Variants in NSD2 observed in about 807,000 individuals in gnomAD.
NSD2 encodes histone-lysine N-methyltransferase NSD2.
Under a neutral mutation model 139.0 loss-of-function variants are expected in NSD2, and 12 were observed. The ratio of observed to expected loss-of-function variants is 0.09; its 90% CI spans 0.06 to 0.14. NSD2 has a LOEUF of 0.14. Ranked by LOEUF, NSD2 falls within the 10% of genes least tolerant of loss-of-function variation. The pLI is 1.00. For missense variants in NSD2, 1,155 were observed against 1,745.0 expected (o/e 0.66, Z 6.02); for synonymous variants, 669 against 648.7 (o/e 1.03, Z -0.48).
At chr4:1,938,388 CTTT>C (rs1186431532) in intron 7 of NSD2, 60 bp from the exon 8 acceptor site, 2 of 1,129,864 alleles carry the variant, frequency 1.8e-6, no homozygotes, top group Non-Finnish European at 2.3e-6. Context: ...TTTTTTTTTC[CTTT>C]TTTTCTTTTC....
intron 4 of NSD2, among the ~76,000 whole-genome samples, chr4:1,917,913 T>C (rs1384953624): frequency 6.6e-6 from 1 of 151,488 alleles, no homozygotes. Flanking sequence ...CCCTAGTAGC[T>C]GGGACCACAG....
chr4:1,879,607 C>T (rs939046236), intron 1 of NSD2, among the ~76,000 whole-genome samples: 1 of 152,136 alleles, frequency 6.6e-6, no homozygotes, highest in Non-Finnish European at 1.5e-5. Context: ...TCTTTGCTGG[C>T]CAGTCCTTTG....
At position 1,956,802 on chromosome 4, in the gene NSD2, A is replaced by T. The variant is rs1724852352; in HGVS notation, c.2881+614A>T. ...GTGTGCATGTGGCTCGTTCAGGGAG[A>T]AGCACACGCTGTGTTGCAGCCGGGT... On this transcript the variant is annotated intron_variant, in intron 15 of 21. Coordinates refer to ENST00000508803, the MANE Select transcript of NSD2 (RefSeq NM_001042424.3). This position sits in a 1 kb window ranked among gnomAD's most constrained non-coding sequence, Gnocchi z 5.3. Among the ~76,000 whole-genome samples the T allele has an allele frequency of 6.6e-6, 1 of 152,164 alleles. No homozygotes were observed. Among genetic ancestry groups the T allele is most frequent in the Non-Finnish European group, 1.5e-5 (1 of 68,022 alleles).
intron 3 of NSD2, among the ~76,000 whole-genome samples, chr4:1,908,871 C>A (rs942797917): frequency 1.3e-5 from 2 of 151,910 alleles, no homozygotes; most frequent in Non-Finnish European, 2.9e-5. Flanking sequence ...GCTCAAACTC[C>A]TGGGCTCAGG....
intron 18 of NSD2, among the ~76,000 whole-genome samples, chr4:1,970,751 G>A (rs1272441943): frequency 6.6e-6 from 1 of 152,174 alleles, no homozygotes; most frequent in African/African-American, 2.4e-5. Context: ...GCTGATTTCA[G>A]TGTGCACAAG....
rs888351242 is a variant in NSD2, at chr4:1,955,641, G to A, written c.2519-52G>A. ...GTAGACTGTGAAGCACTGAATCTGG[G>A]CTGAGCCATAGCAGACAGGCTAAGC... On this transcript the variant is annotated intron_variant, in intron 13 of 21. Coordinates refer to ENST00000508803, the MANE Select transcript of NSD2 (RefSeq NM_001042424.3). This position sits in a 1 kb window ranked among gnomAD's most constrained non-coding sequence, Gnocchi z 4.7. The A allele has an allele frequency of 1.3e-6, 2 of 1,556,744 alleles. No individual in the cohort carries two copies. The highest frequency in any genetic ancestry group is 1.7e-6 in the Non-Finnish European group (2 of 1,150,164).
chr4:1,933,235 A>G (rs1226802924), intron 6 of NSD2, among the ~76,000 whole-genome samples: 1 of 152,186 alleles, frequency 6.6e-6, no homozygotes, highest in Non-Finnish European at 1.5e-5. Flanking sequence ...CTGTGAATGC[A>G]TTGGCAGCAG....
intron 7 of NSD2, 69 bp from the exon 8 acceptor site, chr4:1,938,382 T>G: frequency 8.0e-7 from 1 of 1,254,126 alleles, no homozygotes; most frequent in South Asian, 1.8e-5. Flanking sequence ...TTTTTCTTTT[T>G]TTTTCCTTTT....
intron 1 of NSD2, among the ~76,000 whole-genome samples, chr4:1,895,652 C>T (rs974646679): frequency 6.6e-6 from 1 of 152,144 alleles, no homozygotes; most frequent in Non-Finnish European, 1.5e-5. Flanking sequence ...TCTCTCACTG[C>T]TGGTGGGAGG....
At chr4:1,909,403 A>G (rs1425545356) in intron 3 of NSD2, among the ~76,000 whole-genome samples, 1 of 152,138 alleles carries the variant, frequency 6.6e-6, no homozygotes, top group Non-Finnish European at 1.5e-5. Flanking sequence ...AACTCTGTGC[A>G]GTAGGTCTCC....
chr4:1,962,484 A>G (rs1379191615), intron 18 of NSD2, among the ~76,000 whole-genome samples: 1 of 152,236 alleles, frequency 6.6e-6, no homozygotes, highest in Non-Finnish European at 1.5e-5. Context: ...GTTTAGGGTC[A>G]GATGTCAGAT....
rs201150147 is a variant in NSD2, at chr4:1,952,088, C to T, written c.2014-20C>T. 108 of 1,612,580 alleles carry T rather than the reference C, an allele frequency of 6.7e-5. No individual in the cohort carries two copies. Among genetic ancestry groups the T allele is most frequent in the Non-Finnish European group, 1.5e-5 (18 of 1,179,126 alleles). ...AAGGGACTGCCGGGCGCTGCTTACCCGCCTGCTCTGCCCCCGCAGCTGTGT... is the reference window on the plus strand; with the variant it reads ...AAGGGACTGCCGGGCGCTGCTTACCTGCCTGCTCTGCCCCCGCAGCTGTGT... On this transcript the variant is annotated intron_variant, in intron 10 of 21. Coordinates refer to ENST00000508803, the MANE Select transcript of NSD2 (RefSeq NM_001042424.3).
chr4:1,899,969 C>T (rs1169354289), intron 1 of NSD2, among the ~76,000 whole-genome samples: 1 of 152,194 alleles, frequency 6.6e-6, no homozygotes, highest in Non-Finnish European at 1.5e-5. Flanking sequence ...CTGGGTTGAG[C>T]ATAGCCAGAC....
In NSD2 at chr4:1,976,017, G is replaced by A. The variant is rs79500499; in HGVS notation, c.3622-458G>A. Among the ~76,000 whole-genome samples, 3,675 of 152,202 alleles carry A rather than the reference G, an allele frequency of 0.024. 112 individuals are homozygous for A. Among genetic ancestry groups the A allele is most frequent in the African/African-American group, 0.072 (2,973 of 41,506 alleles). On this transcript the variant is annotated intron_variant, in intron 20 of 21. Transcript: ENST00000508803. The surrounding 1 kb of genome is among the most constrained non-coding windows in gnomAD (Gnocchi z 5.3). ...GAAAGCCTGGCGGTGGCACCAGCTC[G>A]GCCCTGAGCCGGTGTCTGTCCTCAG...
In NSD2 at chr4:1,925,772, A is replaced by ATT. The variant is rs564472093; in HGVS notation, c.1411-4846_1411-4845dup. Among the ~76,000 whole-genome samples, 28 of 148,856 alleles carry ATT rather than the reference A, an allele frequency of 1.9e-4. 1 individual carries two copies. The highest frequency in any genetic ancestry group is 6.4e-4 in the African/African-American group (25 of 39,364). Reference sequence around the variant, plus strand: ...CTTCTTTTTATATATCTATATATATATTTTTTTTTGTTTGTTTGTTTGTTT... The same window carrying ATT: ...CTTCTTTTTATATATCTATATATATATTTTTTTTTTTGTTTGTTTGTTTGTTT... On this transcript the variant is annotated intron_variant, in intron 5 of 21. Coordinates refer to ENST00000508803, the MANE Select transcript of NSD2 (RefSeq NM_001042424.3).
intron 4 of NSD2, among the ~76,000 whole-genome samples, chr4:1,917,807 G>T (rs1391352732): frequency 1.4e-5 from 2 of 148,038 alleles, no homozygotes; most frequent in Non-Finnish European, 3.0e-5. Flanking sequence ...TTGAGACAGG[G>T]TCTTGCTCTG....
chr4:1,909,939 C>T (rs1718443386), intron 3 of NSD2, among the ~76,000 whole-genome samples: 2 of 149,740 alleles, frequency 1.3e-5, no homozygotes. Context: ...GCGCCCGGCA[C>T]CCGTTAAAAA....
At chr4:1,930,504 A>T in intron 5 of NSD2, 122 bp from the exon 6 acceptor site, 1 of 1,037,854 alleles carries the variant, frequency 9.6e-7, no homozygotes, top group South Asian at 2.2e-5. Context: ...TAGTTCCACG[A>T]TGTGGGAATA....
rs907908715 is a variant in NSD2 at position 1,973,505 on chromosome 4, C to T, written c.3373-1358C>T. On this transcript the variant is annotated intron_variant, in intron 18 of 21. Coordinates refer to ENST00000508803, the MANE Select transcript of NSD2 (RefSeq NM_001042424.3). The surrounding 1 kb of genome is among the most constrained non-coding windows in gnomAD (Gnocchi z 5.5). ...TGCAGAGGGCAGATGAGCACCCCCA[C>T]TTCTGTGTTGAAGAGTGGCACTCTG... Among the ~76,000 whole-genome samples, 3 of 152,238 alleles carry T rather than the reference C, an allele frequency of 2.0e-5. No homozygotes were observed. Among genetic ancestry groups the T allele is most frequent in the Admixed American group, 2.0e-4 (3 of 15,284 alleles).
Sources: gnomAD v4.1 joint callset for allele counts (sites outside exome capture counted in the v4.1 genomes callset) on GRCh38, gnomAD v4.1.1 for gene constraint, Gnocchi (gnomAD v3.1) non-coding constraint, MANE v1.5 for transcripts, NCBI Gene and HGNC (gene_info 2026-07-23, HGNC 2026-07-21) for gene names.